The following TMEM132B variants were observed in gnomAD, a reference collection of about 807,000 sequenced individuals.
TMEM132B encodes the protein transmembrane protein 132B.
Under a neutral mutation model 90.8 loss-of-function variants are expected in TMEM132B, and 18 were observed. That is an observed-to-expected ratio of 0.20 (90% CI 0.14 to 0.29). The LOEUF (loss-of-function observed/expected upper bound fraction) is 0.29, where lower values mean the gene tolerates loss of function less well. Ranked by LOEUF, TMEM132B falls within the 10% of genes least tolerant of loss-of-function variation. The probability of loss-of-function intolerance (pLI) is 1.00; values close to 1 mark genes in which losing one functional copy is unlikely to be tolerated. For synonymous variants in TMEM132B, 504 were observed against 523.3 expected, an observed-to-expected ratio of 0.96 and a Z score of 0.50; for missense variants, 1,096 against 1,326.8, an observed-to-expected ratio of 0.83 and a Z score of 2.70.
intron 3 of TMEM132B, among the ~76,000 whole-genome samples, chr12:125,449,125 C>T (rs1881084300): frequency 6.6e-6 from 1 of 152,008 alleles, no homozygotes. Flanking sequence ...CACCATCATG[C>T]CCGGCTAAAT....
chr12:125,585,752 G>A (rs986501453), intron 5 of TMEM132B: 2 of 152,114 alleles, frequency 1.3e-5, no homozygotes, highest in African/African-American at 4.8e-5. Flanking sequence ...CCTCATAGAC[G>A]TTGTTTTGGA....
intron 3 of TMEM132B, among the ~76,000 whole-genome samples, chr12:125,517,098 A>T (rs1592968880): frequency 6.6e-6 from 1 of 151,932 alleles, no homozygotes; most frequent in Non-Finnish European, 1.5e-5. Context: ...GGGGGGTCCC[A>T]TGTGTGCACA....
At chr12:125,354,412 T>C (rs1410214582) in intron 2 of TMEM132B, among the ~76,000 whole-genome samples, 1 of 152,204 alleles carries the variant, frequency 6.6e-6, no homozygotes, top group Non-Finnish European at 1.5e-5. Context: ...AACTAGCTGG[T>C]TGTAGTTCAC....
chr12:125,411,373 G>C (rs57687675), intron 2 of TMEM132B, among the ~76,000 whole-genome samples: 3 of 146,106 alleles, frequency 2.1e-5, no homozygotes, highest in East Asian at 2.1e-4. Flanking sequence ...GGTGGGGGGG[G>C]GCCTAGGGGA....
chr12:125,230,014 C>A (rs1873780297), intron 1 of TMEM132B, among the ~76,000 whole-genome samples: 1 of 152,170 alleles, frequency 6.6e-6, no homozygotes, highest in Non-Finnish European at 1.5e-5. Flanking sequence ...TGGGGTGGCA[C>A]CAATCTCCCT....
chr12:125,588,769 C>T (rs1016608783), intron 5 of TMEM132B, among the ~76,000 whole-genome samples: 4 of 152,098 alleles, frequency 2.6e-5, no homozygotes, highest in Non-Finnish European at 5.9e-5. Context: ...AGATGAGTAA[C>T]CTTTGGGCGC....
At chr12:125,353,317 C>A (rs548162314) in intron 2 of TMEM132B, among the ~76,000 whole-genome samples, 5 of 152,346 alleles carry the variant, frequency 3.3e-5, no homozygotes, top group Admixed American at 3.3e-4. Flanking sequence ...CCCCTTCAGG[C>A]AGCCCCTATC....
At chr12:125,344,998 G>A (rs1377031450) in intron 1 of TMEM132B, among the ~76,000 whole-genome samples, 1 of 152,116 alleles carries the variant, frequency 6.6e-6, no homozygotes, top group Admixed American at 6.5e-5. Context: ...TTTGGCTCCT[G>A]GCCTTCACGA....
rs574441100 is a variant in TMEM132B at position 125,489,234 on chromosome 12, G to A, written c.1107-30205G>A. Among the ~76,000 whole-genome samples, 101 of 152,254 alleles carry A rather than the reference G, an allele frequency of 6.6e-4. 1 individual carries two copies. Among genetic ancestry groups the A allele is most frequent in the South Asian group, 1.2e-3 (6 of 4,822 alleles). On this transcript the variant is annotated intron_variant, in intron 3 of 8. Transcript: ENST00000682704. ...ATAGTTAGAGACTGACAAAATATAAGAAATCAGGTATTTAGCACCTTCATT... is the reference window on the plus strand; with the variant it reads ...ATAGTTAGAGACTGACAAAATATAAAAAATCAGGTATTTAGCACCTTCATT...
rs7136477 is a variant in TMEM132B, at chr12:125,577,028, C to A, written c.1294-6823C>A. 4.0e-3 allele frequency among the ~76,000 whole-genome samples: 603 copies of A among 150,518 alleles called. 3 individuals are homozygous for A. The highest frequency in any genetic ancestry group is 0.014 in the African/African-American group (566 of 41,058). ...TAGAATTAGCTGGGAACTGTTTCAT[C>A]TTCTAATTTTGTGAAGAATTTCTAA... On this transcript the variant is annotated intron_variant, in intron 4 of 8. Coordinates refer to ENST00000682704, the MANE Select transcript of TMEM132B (RefSeq NM_001366854.1).
intron 5 of TMEM132B, among the ~76,000 whole-genome samples, chr12:125,635,252 G>A (rs1043842546): frequency 2.0e-5 from 3 of 152,136 alleles, no homozygotes; most frequent in African/African-American, 2.4e-5. Flanking sequence ...ACATCAACCC[G>A]TCATCTACAT....
At chr12:125,519,765 C>T in intron 4 of TMEM132B, 140 bp downstream of exon 4, 3 of 852,894 alleles carry the variant, frequency 3.5e-6, no homozygotes. Flanking sequence ...TTTGATCTAC[C>T]TGCTTTTCAT....
At chr12:125,210,580 G>A (rs1381356464) in intron 1 of TMEM132B, among the ~76,000 whole-genome samples, 1 of 152,126 alleles carries the variant, frequency 6.6e-6, no homozygotes, top group Non-Finnish European at 1.5e-5. Context: ...GGCGGGGCAG[G>A]AAGGAAGCTA....
intron 1 of TMEM132B, among the ~76,000 whole-genome samples, chr12:125,303,036 G>A (rs530600799): frequency 6.6e-6 from 1 of 152,186 alleles, no homozygotes; most frequent in Non-Finnish European, 1.5e-5. Context: ...GGCAGAGGTT[G>A]CAGTGAGCTG....
chr12:125,637,183 A>G (rs1239708856), intron 5 of TMEM132B, among the ~76,000 whole-genome samples: 2 of 152,194 alleles, frequency 1.3e-5, no homozygotes, highest in African/African-American at 4.8e-5. Context: ...TCTGAGTTGA[A>G]ACTGGGGATC....
intron 4 of TMEM132B, among the ~76,000 whole-genome samples, chr12:125,522,058 C>T (rs889780574): frequency 2.6e-5 from 4 of 152,210 alleles, no homozygotes; most frequent in African/African-American, 7.2e-5. Flanking sequence ...TGCCAAGTCT[C>T]GTTCCTCTCA....
chr12:125,474,027 TTTCCTTCC>T lies in TMEM132B; in HGVS notation c.1107-45396_1107-45389del, dbSNP rs3070202. Reference sequence around the variant, plus strand: ...GAGCTCACCTTTCCTTCCTTCCTTCTTTCCTTCCTTCCTTCCTTCCTTCTTTCTTTTTC... The same window carrying T: ...GAGCTCACCTTTCCTTCCTTCCTTCTTTCCTTCCTTCCTTCTTTCTTTTTC... On this transcript the variant is annotated intron_variant, in intron 3 of 8. Transcript: ENST00000682704. 1.5e-4 allele frequency among the ~76,000 whole-genome samples: 22 copies of T among 150,128 alleles called. No individual in the cohort carries two copies. The East Asian group carries it at 3.1e-3, about 21-fold the overall frequency.
chr12:125,192,214 C>T (rs1315669356), intron 1 of TMEM132B, among the ~76,000 whole-genome samples: 6 of 152,170 alleles, frequency 3.9e-5, no homozygotes, highest in African/African-American at 7.2e-5. Flanking sequence ...TTTACAGATA[C>T]GCAAACTGAG....
chr12:125,610,639 C>T (rs1885801827), intron 5 of TMEM132B, among the ~76,000 whole-genome samples: 1 of 151,200 alleles, frequency 6.6e-6, no homozygotes, highest in East Asian at 2.0e-4. Flanking sequence ...CTCTCTCTCT[C>T]TGTATGTGTG....
Sources: gnomAD v4.1 joint callset for allele counts (sites outside exome capture counted in the v4.1 genomes callset) on GRCh38, gnomAD v4.1.1 for gene constraint, MANE v1.5 for transcripts, NCBI Gene and HGNC (gene_info 2026-07-23, HGNC 2026-07-21) for gene names.